Variants in TESMIN observed in about 807,000 individuals in gnomAD.
TESMIN encodes testis expressed metallothionein like protein, also known as CXC domain containing 2.
TESMIN carries 34 observed loss-of-function variants against 47.4 expected under a neutral mutation model. The ratio of observed to expected loss-of-function variants is 0.72; its 90% CI spans 0.55 to 0.96. The LOEUF (loss-of-function observed/expected upper bound fraction) is 0.96, where lower values mean the gene tolerates loss of function less well. Among genes scored for constraint, TESMIN ranks in the 40% least tolerant of loss-of-function variants. The probability of loss-of-function intolerance (pLI) is 0.00; values close to 1 mark genes in which losing one functional copy is unlikely to be tolerated. For synonymous variants in TESMIN, 278 were observed against 258.9 expected (o/e 1.07, Z -0.71); for missense variants, 610 against 637.2 (o/e 0.96, Z 0.46).
intron 3 of TESMIN, among the ~76,000 whole-genome samples, chr11:68,745,697 C>A (rs1037478788): frequency 6.6e-6 from 1 of 152,204 alleles, no homozygotes; most frequent in Non-Finnish European, 1.5e-5. Context: ...AAGGTTAGTC[C>A]AAGAACTATA....
At position 68,708,018 on chromosome 11, in the gene TESMIN, TC is replaced by T; in HGVS notation, c.*289del. ...GCCCTTCGCAGGGCCTGCTGTGCCC[TC>T]CCCTGCCCTGCTCTGCCCTCCGCCG... is the stretch of plus-strand genomic sequence containing the variant. On this transcript the variant is annotated 3_prime_UTR_variant, in exon 10 of 10. Transcript: ENST00000255087. 2.2e-6 allele frequency: 1 copy of T among 449,174 alleles called. No homozygotes were observed. Among genetic ancestry groups the T allele is most frequent in the Non-Finnish European group, 4.2e-6 (1 of 238,412 alleles). 27.8% of individuals were successfully genotyped at this position (449,174 alleles called of 1,614,324 possible).
intron 6 of TESMIN, chr11:68,737,501 G>T: frequency 2.0e-6 from 2 of 985,732 alleles, no homozygotes; most frequent in Non-Finnish European, 2.4e-6. Flanking sequence ...ACGAAGCCAT[G>T]CCCGATGGCA....
intron 6 of TESMIN, chr11:68,732,563 C>T (rs1594295367): frequency 6.5e-6 from 1 of 153,240 alleles, no homozygotes. Flanking sequence ...CCACATCTGA[C>T]ATCTCCATCT....
chr11:68,727,905 G>A (rs115736690), intron 6 of TESMIN, among the ~76,000 whole-genome samples: 1,656 of 152,254 alleles, frequency 0.011, 26 homozygotes, highest in African/African-American at 0.038. Context: ...ATAAGAGCAC[G>A]AACTTAAGTG....
rs774386439 is a variant in TESMIN at position 68,745,158 on chromosome 11, C to T, written c.631-47G>A. ...AGGTTTCATTTTTGAAACATAATTC[C>T]AGTAATAATGAACCTAAATAAACTT... On this transcript the variant is annotated intron_variant, in intron 3 of 9. Coordinates refer to ENST00000255087, the MANE Select transcript of TESMIN (RefSeq NM_004923.3). The T allele has an allele frequency of 4.3e-5, 67 of 1,541,216 alleles. 2 individuals carry two copies. In the Middle Eastern group the frequency reaches 1.6e-3, roughly 36 times the overall value.
chr11:68,717,795 ACC>A (rs1017298357), intron 6 of TESMIN, among the ~76,000 whole-genome samples: 2 of 151,970 alleles, frequency 1.3e-5, no homozygotes, highest in African/African-American at 4.8e-5. Context: ...AGCAGCTGGG[ACC>A]CCCCTGCCAC....
intron 9 of TESMIN, among the ~76,000 whole-genome samples, chr11:68,710,113 G>A (rs992721842): frequency 6.6e-5 from 10 of 152,090 alleles, no homozygotes; most frequent in Non-Finnish European, 1.0e-4. Flanking sequence ...AGCTGTGATC[G>A]CACCACTGCA....
chr11:68,745,316 A>AG (rs1315579266), intron 3 of TESMIN, among the ~76,000 whole-genome samples: 3 of 151,858 alleles, frequency 2.0e-5, no homozygotes, highest in Non-Finnish European at 4.4e-5. Context: ...AAAAAAAAAA[A>AG]AAAAGAAAAA....
chr11:68,741,589 G>C (rs1217779856), intron 5 of TESMIN, among the ~76,000 whole-genome samples: 1 of 152,186 alleles, frequency 6.6e-6, no homozygotes. Context: ...GTTTTCTGAG[G>C]TTCACTTACC....
At chr11:68,721,494 A>G (rs1946203366) in intron 6 of TESMIN, among the ~76,000 whole-genome samples, 1 of 152,086 alleles carries the variant, frequency 6.6e-6, no homozygotes, top group African/African-American at 2.4e-5. Context: ...TCCGACCTTT[A>G]ATTACATGAT....
At chr11:68,741,390 C>T (rs1441977478) in intron 5 of TESMIN, among the ~76,000 whole-genome samples, 2 of 152,186 alleles carry the variant, frequency 1.3e-5, no homozygotes, top group African/African-American at 4.8e-5. Flanking sequence ...CAAATGTCAC[C>T]TTCACAACGG....
intron 6 of TESMIN, among the ~76,000 whole-genome samples, chr11:68,718,037 C>G (rs1431969332): frequency 6.6e-6 from 1 of 152,064 alleles, no homozygotes; most frequent in African/African-American, 2.4e-5. Flanking sequence ...AAGTGACCAC[C>G]CTGTGGTGAA....
chr11:68,741,115 A>G (rs746045315), intron 5 of TESMIN, among the ~76,000 whole-genome samples: 4 of 152,136 alleles, frequency 2.6e-5, no homozygotes, highest in Non-Finnish European at 5.9e-5. Context: ...GATCTGAGCG[A>G]TCATCTCTCC....
chr11:68,745,417 G>C (rs1048157518), intron 3 of TESMIN, among the ~76,000 whole-genome samples: 1 of 152,102 alleles, frequency 6.6e-6, no homozygotes, highest in African/African-American at 2.4e-5. Context: ...TTTAGTTGGG[G>C]ATCAGGTAGC....
In TESMIN at chr11:68,750,329, A is replaced by G. The variant is rs1946576563; in HGVS notation, c.332T>C (p.Leu111Pro). The G allele has an allele frequency of 2.0e-6, 3 of 1,507,632 alleles. No individual in the cohort carries two copies. The highest frequency in any genetic ancestry group is 1.4e-5 in the African/African-American group (1 of 70,716). The allele number at this position is 1,507,632 out of a possible 1,614,324, so 93.4% of individuals were successfully genotyped here. A position where few individuals can be genotyped will look rare whatever the true frequency, so the allele number is the denominator to read the frequency against. Residue 111 changes from leucine to proline, a missense_variant, in exon 2 of 10, where the codon CTC becomes CCC. Transcript: ENST00000255087. ...GGCGGGCGGCTGCGGGGCCTGCAGGAGCGCGACGTCCTCCAGCGCGCTGAG... is the reference window on the plus strand; with the variant it reads ...GGCGGGCGGCTGCGGGGCCTGCAGGGGCGCGACGTCCTCCAGCGCGCTGAG... ...PELSALEDVALLQAPQPPACN... is the reference protein window; with the variant it reads ...PELSALEDVAPLQAPQPPACN...
In TESMIN at chr11:68,750,375, C is replaced by T. The variant is rs1018258525; in HGVS notation, c.286G>A (p.Glu96Lys). 2.6e-6 allele frequency: 4 copies of T among 1,512,624 alleles called. No homozygotes were observed. The African/African-American group carries it at 5.6e-5, about 21-fold the overall frequency. The allele number at this position is 1,512,624 out of a possible 1,614,324, so 93.7% of individuals were successfully genotyped here. ...CTGAGCTCTGGGATCCCGGGGTACT[C>T]CCCGAGGAGCTCCCCGCCGTCGCTG... is the stretch of plus-strand genomic sequence containing the variant. The part of the protein sequence containing the change: ...GDSDGGELLG[E>K]YPGIPELSAL... The change falls in exon 2 of 10, where the codon GAG (glutamate) becomes AAG (lysine). Residue 96 changes from glutamate (E) to lysine (K), a missense_variant. Coordinates refer to ENST00000255087, the MANE Select transcript of TESMIN (RefSeq NM_004923.3).
chr11:68,715,769 G>A (rs1946129480), intron 7 of TESMIN, 68 bp downstream of exon 7: 2 of 1,147,944 alleles, frequency 1.7e-6, no homozygotes, highest in Admixed American at 2.1e-5. Context: ...CTCTGAAGGT[G>A]ATTTTATGAA....
At chr11:68,723,627 G>C (rs80260621) in intron 6 of TESMIN, among the ~76,000 whole-genome samples, 9,684 of 152,034 alleles carry the variant, frequency 0.064, 349 homozygotes, top group Middle Eastern at 0.15. Context: ...CCAAAAGCTG[G>C]TGCTCTGAGA....
In TESMIN at chr11:68,713,331, T is replaced by C; in HGVS notation, c.1097A>G (p.His366Arg). 1 of 1,614,236 alleles carries C rather than the reference T, an allele frequency of 6.2e-7. No homozygotes were observed. The highest frequency in any genetic ancestry group is 1.1e-5 in the South Asian group (1 of 91,084). The change falls in exon 8 of 10, where the codon CAC becomes CGC. Residue 366 changes from histidine to arginine, a missense_variant. Transcript: ENST00000255087. ...CCTCCTGCAGTTGCACCCTTTGTTGTGCTGGGGCTTGACATTGCCCAATTG... is the reference window on the plus strand; with the variant it reads ...CCTCCTGCAGTTGCACCCTTTGTTGCGCTGGGGCTTGACATTGCCCAATTG... ...KGQLGNVKPQ[H>R]NKGCNCRRSG...
Sources: gnomAD v4.1 joint callset for allele counts (sites outside exome capture counted in the v4.1 genomes callset) on GRCh38, gnomAD v4.1.1 for gene constraint, MANE v1.5 for transcripts, NCBI Gene and HGNC (gene_info 2026-07-23, HGNC 2026-07-21) for gene names.